Variants in POLR3A observed in about 807,000 individuals in gnomAD.
The protein encoded by POLR3A is DNA-directed RNA polymerase III subunit RPC1.
Under a neutral mutation model 152.8 loss-of-function variants are expected in POLR3A, and 112 were observed. The observed-to-expected ratio is 0.73, with a 90% CI of 0.63 to 0.86. POLR3A has a LOEUF of 0.86. Among genes scored for constraint, POLR3A ranks in the 40% least tolerant of loss-of-function variants. The pLI, the probability that POLR3A is intolerant of heterozygous loss-of-function variation, is 0.00. For missense variants in POLR3A, 1,385 were observed against 1,743.1 expected, an observed-to-expected ratio of 0.79 and a Z score of 3.66; for synonymous variants, 615 against 652.1, an observed-to-expected ratio of 0.94 and a Z score of 0.87.
At position 78,009,389 on chromosome 10, in the gene POLR3A, A is replaced by G. The variant is rs781183220; in HGVS notation, c.1909+148T>C. The G allele has an allele frequency of 1.6e-4, 166 of 1,024,136 alleles. 1 individual carries two copies. The Middle Eastern group carries it at 2.9e-3, about 18-fold the overall frequency. 63.4% of individuals were successfully genotyped at this position (1,024,136 alleles called of 1,614,324 possible). On this transcript the variant is annotated intron_variant, in intron 14 of 30. Coordinates refer to ENST00000372371, the MANE Select transcript of POLR3A (RefSeq NM_007055.4). ...ACATCTGAGAGAAGAAAAACCAGCTACATTTTCCTGAAGAAAAAACTTTCC... is the reference window on the plus strand; with the variant it reads ...ACATCTGAGAGAAGAAAAACCAGCTGCATTTTCCTGAAGAAAAAACTTTCC...
At chr10:77,994,122 C>T (rs534217029) in intron 19 of POLR3A, among the ~76,000 whole-genome samples, 57 of 152,264 alleles carry the variant, frequency 3.7e-4, no homozygotes, top group African/African-American at 1.3e-3. Flanking sequence ...ATTTCACAGT[C>T]TATTGGGTTT....
In POLR3A at chr10:78,004,733, C is replaced by T. The variant is rs1315092565; in HGVS notation, c.2230G>A (p.Ala744Thr). 1 of 1,613,552 alleles carries T rather than the reference C, an allele frequency of 6.2e-7. No individual in the cohort carries two copies. The highest frequency in any genetic ancestry group is 1.1e-5 in the South Asian group (1 of 91,072). ...GKLQQQPGCT[A>T]EETLEALILK... is the part of the protein sequence containing the mutation. ...GGGCTCACCTCCAGGGTCTCCTCAG[C>T]AGTGCAGCCAGGCTGCTGCTGCAGC... Residue 744 changes from alanine to threonine, a missense_variant, in exon 16 of 31, where the codon GCT (alanine) becomes ACT (threonine). This residue lies in a region of POLR3A where 170 missense variants were observed against 231.2 expected (regional missense o/e 0.74). Transcript: ENST00000372371.
intron 20 of POLR3A, 61 bp from the exon 21 acceptor site, chr10:77,991,228 A>G: frequency 1.1e-6 from 1 of 918,332 alleles, no homozygotes; most frequent in South Asian, 1.3e-5. Context: ...GCGGTAGTAG[A>G]TGAGAGAACT....
rs1847458436 is a variant in POLR3A, at chr10:78,010,626, T to C, written c.1573-86A>G. ...CTGAATCACAAGGTTTTTGAATAGT[T>C]ATGAACAAATACAGAGTAGCAGAAG... On this transcript the variant is annotated intron_variant, in intron 11 of 30. Transcript: ENST00000372371. 1.5e-5 allele frequency: 14 copies of C among 940,922 alleles called. No individual in the cohort carries two copies. The South Asian group carries it at 1.8e-4, about 12-fold the overall frequency. 58.3% of individuals were successfully genotyped at this position (940,922 alleles called of 1,614,324 possible).
intron 14 of POLR3A, 28 bp from the exon 15 acceptor site, chr10:78,007,894 A>C: frequency 6.3e-7 from 1 of 1,590,652 alleles, no homozygotes; most frequent in African/African-American, 1.3e-5. Context: ...TATTTAGACA[A>C]CAATTATTTA....
At chr10:78,002,982 T>C (rs938302061) in intron 16 of POLR3A, among the ~76,000 whole-genome samples, 7 of 152,248 alleles carry the variant, frequency 4.6e-5, no homozygotes, top group Admixed American at 2.0e-4. Context: ...ATATGTGGTA[T>C]GTAAAAGAGA....
rs201907180 is a variant in POLR3A, at chr10:77,990,561, T to C, written c.2901+493A>G. On this transcript the variant is annotated intron_variant, in intron 21 of 30. Coordinates refer to ENST00000372371, the MANE Select transcript of POLR3A (RefSeq NM_007055.4). ...TAAACTAAGAAAGTCATGAGATAAA[T>C]TCTGCTTGTTGGCTGGTGAGATTTT... Among the ~76,000 whole-genome samples the C allele has an allele frequency of 2.4e-4, 36 of 151,958 alleles. No individual in the cohort carries two copies. The East Asian group carries it at 6.6e-3, about 28-fold the overall frequency.
At chr10:77,979,302 C>T (rs2131924709) in intron 30 of POLR3A, among the ~76,000 whole-genome samples, 1 of 152,366 alleles carries the variant, frequency 6.6e-6, no homozygotes, top group South Asian at 2.1e-4. Context: ...CTGGAAACAG[C>T]AGCCAGACTT....
chr10:78,020,471 C>T (rs1423505155), intron 8 of POLR3A, among the ~76,000 whole-genome samples: 1 of 151,240 alleles, frequency 6.6e-6, no homozygotes, highest in Non-Finnish European at 1.5e-5. Flanking sequence ...GCCTGGGTGA[C>T]AGGGCGAGAG....
chr10:78,002,415 C>A, intron 16 of POLR3A, 107 bp from the exon 17 acceptor site: 2 of 799,962 alleles, frequency 2.5e-6, no homozygotes, highest in Non-Finnish European at 4.3e-6. Flanking sequence ...AGGCAAGATG[C>A]CCGATTTCCG....
In POLR3A at chr10:77,990,685, C is replaced by T. The variant is rs143995828; in HGVS notation, c.2901+369G>A. Among the ~76,000 whole-genome samples the T allele has an allele frequency of 2.6e-4, 39 of 151,414 alleles. 1 individual carries two copies. The highest frequency in any genetic ancestry group is 1.2e-3 in the East Asian group (6 of 5,150). ...AGGCTGAAGTGCAGTGGTGCCATCC[C>T]GGTGTACTGCAACCTCCGCCTCTCA... On this transcript the variant is annotated intron_variant, in intron 21 of 30. Transcript: ENST00000372371.
chr10:77,991,543 G>T (rs1847248183), intron 20 of POLR3A, among the ~76,000 whole-genome samples: 1 of 152,100 alleles, frequency 6.6e-6, no homozygotes, highest in African/African-American at 2.4e-5. Flanking sequence ...TTTTTTTTGA[G>T]ATGGAGTCTT....
chr10:77,982,760 C>T lies in POLR3A; in HGVS notation c.3487G>A (p.Gly1163Ser), dbSNP rs746562221. ...GCCTCACCATGAACAGCCACATCAC[C>T]GGGCTTCACACGGAGCTTGGATGTG... is the stretch of plus-strand genomic sequence containing the variant. ...ICTSKLRVKP[G>S]DVAVHGEAVV... Residue 1163 changes from glycine to serine, a missense_variant, in exon 27 of 31, where the codon GGT becomes AGT. Around this residue, in one of 7 missense-constraint regions of POLR3A, gnomAD observed 332 missense variants for 400.1 expected, o/e 0.83. Coordinates refer to ENST00000372371, the MANE Select transcript of POLR3A (RefSeq NM_007055.4). The T allele has an allele frequency of 7.4e-5, 120 of 1,613,828 alleles. No homozygotes were observed. The highest frequency in any genetic ancestry group is 3.6e-4 in the South Asian group (33 of 91,070).
intron 19 of POLR3A, among the ~76,000 whole-genome samples, chr10:77,995,347 T>A (rs1165836443): frequency 1.3e-5 from 2 of 152,188 alleles, no homozygotes; most frequent in African/African-American, 4.8e-5. Flanking sequence ...AATGCTCCAA[T>A]TAAAAGACAC....
At chr10:78,006,108 C>T (rs1470868598) in intron 15 of POLR3A, among the ~76,000 whole-genome samples, 1 of 152,020 alleles carries the variant, frequency 6.6e-6, no homozygotes, top group East Asian at 1.9e-4. Context: ...GCTTTAAAAA[C>T]AAAACAGCCT....
intron 14 of POLR3A, among the ~76,000 whole-genome samples, chr10:78,008,782 G>C (rs1278704161): frequency 6.6e-6 from 1 of 151,868 alleles, no homozygotes; most frequent in African/African-American, 2.4e-5. Flanking sequence ...GGATGAGGTG[G>C]GACGATTGCT....
chr10:77,985,309 C>A lies in POLR3A; in HGVS notation c.3103G>T (p.Ala1035Ser). ...TCACCAATGCTCTGGGCACACAGAG[C>A]ACCCACTGCAGAACCTGGCTCCATC... is the stretch of plus-strand genomic sequence containing the variant. ...AQMEPGSAVG[A>S]LCAQSIGEPG... is the part of the protein sequence containing the mutation. Residue 1035 changes from alanine (A) to serine (S), a missense_variant, in exon 24 of 31, where the codon GCT (alanine) becomes TCT (serine). This residue lies in a region of POLR3A where 178 missense variants were observed against 204.6 expected (regional missense o/e 0.87). Coordinates refer to ENST00000372371, the MANE Select transcript of POLR3A (RefSeq NM_007055.4). The A allele has an allele frequency of 6.2e-7, 1 of 1,614,076 alleles. No individual in the cohort carries two copies. Among genetic ancestry groups the A allele is most frequent in the African/African-American group, 1.3e-5 (1 of 75,050 alleles).
rs1206263953 is a variant in POLR3A at position 77,977,522 on chromosome 10, G to C, written c.4129C>G (p.Leu1377Val). Residue 1377 changes from leucine to valine, a missense_variant, in exon 31 of 31, where the codon CTG becomes GTG. By Grantham distance (32) the Leu-to-Val change is conservative (BLOSUM62 1). Coordinates refer to ENST00000372371, the MANE Select transcript of POLR3A (RefSeq NM_007055.4). The part of the protein sequence containing the change: ...DRDPNPPKRP[L>V]IFDTNEFHIP... ...TGGAATTCATTTGTGTCGAAGATCA[G>C]GGGCCTCTTGGGAGGGTTCGGGTCC... 5 of 1,614,002 alleles carry C rather than the reference G, an allele frequency of 3.1e-6. No homozygotes were observed. The South Asian group carries it at 4.4e-5, about 14-fold the overall frequency.
intron 17 of POLR3A, 108 bp from the exon 18 acceptor site, chr10:78,001,202 G>T: frequency 3.0e-6 from 2 of 668,548 alleles, no homozygotes; most frequent in Non-Finnish European, 5.6e-6. Context: ...GCTCAATGAG[G>T]TCATGGTCCT....
Sources: gnomAD v4.1 joint callset for allele counts (sites outside exome capture counted in the v4.1 genomes callset) on GRCh38, gnomAD v4.1.1 for gene constraint, gnomAD v4.1.1 regional missense constraint, MANE v1.5 for transcripts, NCBI Gene and HGNC (gene_info 2026-07-23, HGNC 2026-07-21) for gene names.